Variants in LUZP2 observed in about 807,000 individuals in gnomAD.
LUZP2 encodes the protein leucine zipper protein 2.
A neutral mutation model predicts 51.6 loss-of-function variants in LUZP2; 52 were observed. That is an observed-to-expected ratio of 1.01 (90% CI 0.81 to 1.27). The LOEUF (loss-of-function observed/expected upper bound fraction) is 1.27, where lower values mean the gene tolerates loss of function less well. Among genes scored for constraint, LUZP2 ranks in the 50% most tolerant of loss-of-function variants. LUZP2 has a pLI of 0.00. For missense variants in LUZP2, 436 were observed against 395.4 expected, an observed-to-expected ratio of 1.10 and a Z score of -0.87; for synonymous variants, 154 against 137.3, an observed-to-expected ratio of 1.12 and a Z score of -0.85.
At chr11:24,826,190 A>AAAAAATATATATATATATATATATATAT (rs1215786412) in intron 5 of LUZP2, among the ~76,000 whole-genome samples, 2 of 67,534 alleles carry the variant, frequency 3.0e-5, no homozygotes, top group African/African-American at 1.2e-4. Context: ...AAAAAAAAAA[A>AAAAAATATATATATATATATATATATAT]ATATATATAT....
intron 4 of LUZP2, among the ~76,000 whole-genome samples, chr11:24,759,681 C>A (rs1859910817): frequency 6.6e-6 from 1 of 152,004 alleles, no homozygotes; most frequent in Non-Finnish European, 1.5e-5. Context: ...TAACTAAAGA[C>A]AAATCTGTAC....
rs1857641655 is a variant in LUZP2 at position 25,030,930 on chromosome 11, A to AATATATTTT, written c.766-19102_766-19101insTTTATATAT. Among the ~76,000 whole-genome samples, 2 of 7,466 alleles carry AATATATTTT rather than the reference A, an allele frequency of 2.7e-4. 1 individual carries two copies. Among genetic ancestry groups the AATATATTTT allele is most frequent in the African/African-American group, 2.1e-3 (2 of 966 alleles). 4.9% of individuals were successfully genotyped at this position (7,466 alleles called of 152,430 possible). A position where few individuals can be genotyped will look rare whatever the true frequency, so the allele number is the denominator to read the frequency against. On this transcript the variant is annotated intron_variant, in intron 9 of 11. Transcript: ENST00000336930. ...AATATATATTGTATTATATATATAT[A>AATATATTTT]ATATATATTATATATATTATATATA...
chr11:24,907,374 TATA>T (rs1282665362), intron 6 of LUZP2, among the ~76,000 whole-genome samples: 3 of 151,520 alleles, frequency 2.0e-5, no homozygotes, highest in Non-Finnish European at 4.4e-5. Context: ...ATATCTTTCC[TATA>T]ATATTATATA....
In LUZP2 at chr11:25,065,572, G is replaced by A. The variant is rs887058251; in HGVS notation, c.859-11757G>A. 9.2e-5 allele frequency among the ~76,000 whole-genome samples: 14 copies of A among 152,040 alleles called. No individual in the cohort carries two copies. In the East Asian group the frequency reaches 1.6e-3, roughly 17 times the overall value. On this transcript the variant is annotated intron_variant, in intron 10 of 11. Transcript: ENST00000336930. ...TAAACATTGACTAAACATAGATTCC[G>A]TCACCCACGGGGTTTAACCTTATTC...
chr11:25,055,199 C>T (rs1184229595), intron 10 of LUZP2, among the ~76,000 whole-genome samples: 4 of 151,336 alleles, frequency 2.6e-5, no homozygotes, highest in Admixed American at 6.6e-5. Context: ...TTAGTAGAGA[C>T]GGGCTTTCAC....
At chr11:24,529,922 A>G (rs1426749225) in intron 1 of LUZP2, among the ~76,000 whole-genome samples, 1 of 150,944 alleles carries the variant, frequency 6.6e-6, no homozygotes, top group Non-Finnish European at 1.5e-5. Context: ...ATGATTAACA[A>G]TCCCCAAAGT....
At chr11:24,527,183 G>C (rs1020673111) in intron 1 of LUZP2, among the ~76,000 whole-genome samples, 1 of 151,238 alleles carries the variant, frequency 6.6e-6, no homozygotes, top group African/African-American at 2.4e-5. Context: ...ATATTTTGAA[G>C]ATATTTATTT....
intron 1 of LUZP2, among the ~76,000 whole-genome samples, chr11:24,645,069 T>C (rs1590287335): frequency 6.6e-6 from 1 of 152,218 alleles, no homozygotes; most frequent in Non-Finnish European, 1.5e-5. Flanking sequence ...TACATTCCAA[T>C]CCTGTTTACG....
At chr11:24,754,946 G>T (rs1181626792) in intron 4 of LUZP2, among the ~76,000 whole-genome samples, 1 of 152,088 alleles carries the variant, frequency 6.6e-6, no homozygotes, top group African/African-American at 2.4e-5. Context: ...AGGAGTTCAA[G>T]ACCAGCCCGA....
At chr11:24,526,278 A>AC (rs3077899) in intron 1 of LUZP2, among the ~76,000 whole-genome samples, 3 of 147,820 alleles carry the variant, frequency 2.0e-5, no homozygotes, top group African/African-American at 7.4e-5. Context: ...AAAAAAAAAA[A>AC]GCTCAAGAGT....
At chr11:24,757,928 G>A (rs995379059) in intron 4 of LUZP2, among the ~76,000 whole-genome samples, 4 of 151,876 alleles carry the variant, frequency 2.6e-5, no homozygotes, top group African/African-American at 7.2e-5. Context: ...GTACTAAAAG[G>A]CATCTATTTC....
At chr11:24,806,587 C>T (rs12287022) in intron 5 of LUZP2, among the ~76,000 whole-genome samples, 2,538 of 151,908 alleles carry the variant, frequency 0.017, 75 homozygotes, top group African/African-American at 0.058. Flanking sequence ...ATTCTCACTA[C>T]AAAGAAAAAG....
At position 25,028,976 on chromosome 11, in the gene LUZP2, G is replaced by T. The variant is rs147084367; in HGVS notation, c.766-21062G>T. ...AAGATCATTAAGTGAAATAAGCCAG[G>T]CACGGAAAGACAAGCATCACATGTT... is the stretch of plus-strand genomic sequence containing the variant. On this transcript the variant is annotated intron_variant, in intron 9 of 11. Transcript: ENST00000336930. 2.9e-3 allele frequency among the ~76,000 whole-genome samples: 441 copies of T among 152,198 alleles called. 3 individuals carry two copies. The highest frequency in any genetic ancestry group is 1.0e-2 in the African/African-American group (415 of 41,530).
intron 5 of LUZP2, among the ~76,000 whole-genome samples, chr11:24,782,908 TGAAAC>T (rs1849134045): frequency 6.6e-6 from 1 of 151,986 alleles, no homozygotes; most frequent in Non-Finnish European, 1.5e-5. Context: ...GAACACATTC[TGAAAC>T]GAAATGGAAG....
intron 5 of LUZP2, among the ~76,000 whole-genome samples, chr11:24,893,556 T>A (rs1852924369): frequency 6.6e-6 from 1 of 152,160 alleles, no homozygotes; most frequent in Admixed American, 6.5e-5. Context: ...ACATAATATA[T>A]CACCTAATAG....
chr11:24,643,206 C>A (rs966206027), intron 1 of LUZP2, among the ~76,000 whole-genome samples: 3 of 124,906 alleles, frequency 2.4e-5, no homozygotes, highest in African/African-American at 9.6e-5. Flanking sequence ...GTCAGGAGTT[C>A]AAGACCAGCC....
chr11:24,977,230 G>T (rs1294106303), intron 8 of LUZP2, among the ~76,000 whole-genome samples: 1 of 151,388 alleles, frequency 6.6e-6, no homozygotes, highest in Admixed American at 6.6e-5. Flanking sequence ...TTTGGAAATA[G>T]TAATTAAAAT....
intron 1 of LUZP2, among the ~76,000 whole-genome samples, chr11:24,604,161 AT>A (rs1853834133): frequency 6.6e-6 from 1 of 151,802 alleles, no homozygotes; most frequent in Non-Finnish European, 1.5e-5. Context: ...GTTATTTTGT[AT>A]TTTCTGCCAT....
chr11:24,890,894 C>CTTTTTT (rs34323542), intron 5 of LUZP2: 19 of 740,138 alleles, frequency 2.6e-5, no homozygotes, highest in African/African-American at 2.3e-4. Context: ...AGTAAAAGTT[C>CTTTTTT]TTTTTTTTTT....
Sources: gnomAD v4.1 joint callset for allele counts (sites outside exome capture counted in the v4.1 genomes callset) on GRCh38, gnomAD v4.1.1 for gene constraint, MANE v1.5 for transcripts, NCBI Gene and HGNC (gene_info 2026-07-23, HGNC 2026-07-21) for gene names.